Variants in AMD1 observed in about 807,000 individuals in gnomAD.
The protein encoded by AMD1 is adenosylmethionine decarboxylase 1, also known as S-adenosylmethionine decarboxylase proenzyme.
In AMD1, 11 loss-of-function variants were observed where a neutral mutation model predicts 40.2. That is an observed-to-expected ratio of 0.27 (90% CI 0.17 to 0.45). The LOEUF (loss-of-function observed/expected upper bound fraction) is 0.45. AMD1 is among the 20% of genes least tolerant of loss of function. The pLI, the probability that AMD1 is intolerant of heterozygous loss-of-function variation, is 1.00. For synonymous variants in AMD1, 121 were observed against 130.8 expected (o/e 0.93, Z 0.51); for missense variants, 257 against 410.2 (o/e 0.63, Z 3.23).
chr6:110,858,838 C>A, the AMD1 span: 8 of 779,532 alleles, frequency 1.0e-5, no homozygotes, highest in Admixed American at 1.7e-5. Flanking sequence ...TCCTGCCCCC[C>A]ATGGACAACT....
At chr6:110,832,488 T>G in the AMD1 span, among the ~76,000 whole-genome samples, 1 of 152,040 alleles carries the variant, frequency 6.6e-6, no homozygotes, top group Non-Finnish European at 1.5e-5. Flanking sequence ...AACTCTGAAG[T>G]CTATTCCTGC....
chr6:110,873,535 A>G (rs1438307331), upstream of AMD1, among the ~76,000 whole-genome samples: 1 of 152,210 alleles, frequency 6.6e-6, no homozygotes, highest in Non-Finnish European at 1.5e-5. Context: ...TTTCATGTTG[A>G]CATCATCTTA....
intron 2 of AMD1, 183 bp from the exon 3 acceptor site, chr6:110,888,674 T>C (rs958140821): frequency 6.3e-6 from 3 of 473,188 alleles, no homozygotes; most frequent in African/African-American, 6.0e-5. Context: ...ATGCTTACCA[T>C]GTGCCAAGCC....
intron 1 of AMD1, among the ~76,000 whole-genome samples, chr6:110,884,282 T>G (rs1192684739): frequency 6.6e-6 from 1 of 152,228 alleles, no homozygotes; most frequent in Non-Finnish European, 1.5e-5. Flanking sequence ...CCTAGAATGA[T>G]GTAACATGTC....
At chr6:110,862,156 G>A in the AMD1 span, among the ~76,000 whole-genome samples, 3 of 151,052 alleles carry the variant, frequency 2.0e-5, no homozygotes, top group Non-Finnish European at 4.4e-5. Context: ...CTACAGGCAG[G>A]TGCCACCATA....
chr6:110,847,638 T>TA, the AMD1 span, among the ~76,000 whole-genome samples: 18 of 152,128 alleles, frequency 1.2e-4, no homozygotes, highest in Non-Finnish European at 2.5e-4. Context: ...CTCCTTTACT[T>TA]AAAGTCAACT....
the AMD1 span, among the ~76,000 whole-genome samples, chr6:110,848,167 A>G: frequency 1.4e-4 from 22 of 152,208 alleles, no homozygotes; most frequent in Non-Finnish European, 2.4e-4. Flanking sequence ...AAGAGCTTGA[A>G]AAGGACAAGG....
the AMD1 span, among the ~76,000 whole-genome samples, chr6:110,869,317 A>G: frequency 6.6e-6 from 1 of 151,200 alleles, no homozygotes; most frequent in Non-Finnish European, 1.5e-5. Context: ...ATTTTTTAGT[A>G]GAGACGGGGT....
chr6:110,851,206 T>C, the AMD1 span, among the ~76,000 whole-genome samples: 3 of 152,142 alleles, frequency 2.0e-5, no homozygotes, highest in Non-Finnish European at 2.9e-5. Context: ...CCTCAGGTGA[T>C]CCATCTGCCT....
chr6:110,815,241 T>TCGCGCG, the AMD1 span: 184 of 1,130,386 alleles, frequency 1.6e-4, no homozygotes, highest in South Asian at 2.0e-3. Flanking sequence ...CAGCCGCCTC[T>TCGCGCG]CGCGCGCGCG....
At chr6:110,888,385 C>T (rs1262895269) in intron 2 of AMD1, 1 of 153,210 alleles carries the variant, frequency 6.5e-6, no homozygotes, top group African/African-American at 2.4e-5. Context: ...AATCTCCTCT[C>T]ACTGCAACCT....
the AMD1 span, among the ~76,000 whole-genome samples, chr6:110,840,284 C>T: frequency 2.0e-5 from 3 of 152,050 alleles, no homozygotes; most frequent in South Asian, 2.1e-4. Flanking sequence ...AATTCAATTC[C>T]GACACTGTCT....
intron 1 of AMD1, among the ~76,000 whole-genome samples, chr6:110,876,210 T>C (rs1785103353): frequency 6.6e-6 from 1 of 152,242 alleles, no homozygotes; most frequent in Non-Finnish European, 1.5e-5. Flanking sequence ...AGCCCAGAGA[T>C]CCCGTGGATG....
chr6:110,863,062 A>C, the AMD1 span, among the ~76,000 whole-genome samples: 1 of 151,966 alleles, frequency 6.6e-6, no homozygotes, highest in East Asian at 1.9e-4. Flanking sequence ...CTCCTGCCTC[A>C]GCCTCCCAAG....
At chr6:110,826,461 G>T in the AMD1 span, among the ~76,000 whole-genome samples, 1 of 151,876 alleles carries the variant, frequency 6.6e-6, no homozygotes, top group Non-Finnish European at 1.5e-5. Flanking sequence ...AACAGGAACT[G>T]ATTAGCTCAC....
At chr6:110,842,455 A>G in the AMD1 span, among the ~76,000 whole-genome samples, 2 of 152,190 alleles carry the variant, frequency 1.3e-5, no homozygotes, top group African/African-American at 2.4e-5. Context: ...CTCTGCATAT[A>G]CAGATGTCAC....
At chr6:110,856,271 T>C in the AMD1 span, 2 of 152,084 alleles carry the variant, frequency 1.3e-5, no homozygotes, top group African/African-American at 4.8e-5. Flanking sequence ...TGACTGGATT[T>C]CCTCATTTAT....
At chr6:110,866,778 T>C in the AMD1 span, among the ~76,000 whole-genome samples, 1 of 151,960 alleles carries the variant, frequency 6.6e-6, no homozygotes, top group Non-Finnish European at 1.5e-5. Flanking sequence ...CACCAAGCCA[T>C]ATATGGTGGT....
At chr6:110,852,200 A>ATTTTTT in the AMD1 span, among the ~76,000 whole-genome samples, 74 of 51,308 alleles carry the variant, frequency 1.4e-3, 14 homozygotes, top group South Asian at 2.1e-3. Flanking sequence ...CGCCTGGCTA[A>ATTTTTT]TTTTTTTTTT....
Sources: allele counts gnomAD v4.1 joint callset (sites outside exome capture counted in the v4.1 genomes callset), GRCh38; gene constraint gnomAD v4.1.1; transcripts MANE v1.5; gene names NCBI Gene and HGNC (gene_info 2026-07-23, HGNC 2026-07-21).